GAD1: variants seen among roughly 807,000 people sequenced by gnomAD.
GAD1 encodes glutamate decarboxylase 1.
In GAD1, 35 loss-of-function variants were observed where a neutral mutation model predicts 75.2. The ratio of observed to expected loss-of-function variants is 0.47; its 90% CI spans 0.36 to 0.62. The LOEUF (loss-of-function observed/expected upper bound fraction) is 0.62, where lower values mean the gene tolerates loss of function less well. GAD1 is among the 20% of genes least tolerant of loss of function. The pLI is 0.00. For missense variants in GAD1, 490 were observed against 758.5 expected, an observed-to-expected ratio of 0.65 and a Z score of 4.16; for synonymous variants, 257 against 271.9, an observed-to-expected ratio of 0.95 and a Z score of 0.54.
chr2:170,851,878 A>C (rs1702749302), intron 12 of GAD1, among the ~76,000 whole-genome samples: 2 of 152,040 alleles, frequency 1.3e-5, no homozygotes, highest in African/African-American at 4.8e-5. Flanking sequence ...TGGCAAAATC[A>C]CTCTAATTTA....
In GAD1 at chr2:170,858,858, C is replaced by A. The variant is rs755637844; in HGVS notation, c.1576C>A (p.Pro526Thr). 1.2e-6 allele frequency: 2 copies of A among 1,614,034 alleles called. No individual in the cohort carries two copies. The highest frequency in any genetic ancestry group is 2.7e-5 in the African/African-American group (2 of 74,924). The change falls in exon 16 of 17, where the codon CCA becomes ACA. Residue 526 changes from proline (P) to threonine (T), a missense_variant. By Grantham distance (38) the Pro-to-Thr change is conservative. Coordinates refer to ENST00000358196, the MANE Select transcript of GAD1 (RefSeq NM_000817.3). ...TATTCCACAAAGCCTCAGGGGTGTG[C>A]CAGACAGCCCTCAACGACGGGAAAA... ...WYIPQSLRGV[P>T]DSPQRREKLH...
At chr2:170,845,312 T>C in intron 7 of GAD1, 194 bp from the exon 8 acceptor site, 1 of 650,222 alleles carries the variant, frequency 1.5e-6, no homozygotes, top group Admixed American at 2.2e-5. Context: ...TGGTAATAAG[T>C]GTGACTACTT....
chr2:170,832,539 G>A (rs915662479), intron 5 of GAD1, among the ~76,000 whole-genome samples: 3 of 152,108 alleles, frequency 2.0e-5, no homozygotes, highest in African/African-American at 7.2e-5. Context: ...AGGAACCAGG[G>A]ATTAGGACTT....
intron 3 of GAD1, among the ~76,000 whole-genome samples, chr2:170,825,052 G>A (rs577133487): frequency 6.6e-6 from 1 of 152,018 alleles, no homozygotes; most frequent in African/African-American, 2.4e-5. Context: ...CTTGGGGGTG[G>A]GCAATGGGGA....
chr2:170,814,970 C>T (rs1232028916), upstream of GAD1, among the ~76,000 whole-genome samples: 1 of 152,076 alleles, frequency 6.6e-6, no homozygotes, highest in Non-Finnish European at 1.5e-5. Context: ...GGCGAGCGGG[C>T]GTCTATGCTG....
chr2:170,832,018 C>T (rs919018772), intron 5 of GAD1, among the ~76,000 whole-genome samples: 1 of 152,010 alleles, frequency 6.6e-6, no homozygotes, highest in Non-Finnish European at 1.5e-5. Context: ...CTAAAGAGAG[C>T]AGAATGACCC....
rs1238959934 is a variant in GAD1, at chr2:170,822,149, G to A, written c.145G>A (p.Gly49Ser). The change falls in exon 3 of 17, where the codon GGC becomes AGC. Residue 49 changes from glycine to serine, a missense_variant and splice_region_variant. Around this residue, in one of 3 missense-constraint regions of GAD1, gnomAD observed 165 missense variants for 216.4 expected, o/e 0.76. Transcript: ENST00000358196. ...CTRKLGLKIC[G>S]FLQRTNSLEE... ...CAGAAAACTGGGGCTCAAGATCTGC[G>A]GTAAGTGACAGGACCCACTGGGGCC... The A allele has an allele frequency of 5.0e-6, 8 of 1,612,186 alleles. No individual in the cohort carries two copies. The highest frequency in any genetic ancestry group is 6.8e-6 in the Non-Finnish European group (8 of 1,179,406).
At chr2:170,831,327 AC>A in intron 5 of GAD1, 135 bp downstream of exon 5, 1 of 994,330 alleles carries the variant, frequency 1.0e-6, no homozygotes, top group Non-Finnish European at 1.6e-6. Flanking sequence ...GTACCCAGTG[AC>A]CACAAGAACA....
At chr2:170,815,159 C>T (rs1362605652), upstream of GAD1, among the ~76,000 whole-genome samples, 1 of 152,130 alleles carries the variant, frequency 6.6e-6, no homozygotes, top group Non-Finnish European at 1.5e-5. Context: ...TGGTTGTATG[C>T]CGCCCACTTC....
At position 170,853,296 on chromosome 2, in the gene GAD1, A is replaced by T; in HGVS notation, c.1263+504A>T. 4.9e-6 allele frequency: 1 copy of T among 206,022 alleles called. No individual in the cohort carries two copies. Among genetic ancestry groups the T allele is most frequent in the South Asian group, 9.0e-5 (1 of 11,138 alleles). The allele number at this position is 206,022 out of a possible 1,614,324, so 12.8% of individuals were successfully genotyped here. On this transcript the variant is annotated intron_variant, in intron 13 of 16. Transcript: ENST00000358196. The surrounding 1 kb of genome is among the most constrained non-coding windows in gnomAD (Gnocchi z 4.1). ...TTGAGCCTCATATTCCCTTCTTCAC[A>T]TGCCTAATGTTAGGATCCTGCCCTC...
chr2:170,820,263 C>A (rs930173775), intron 2 of GAD1, among the ~76,000 whole-genome samples: 2 of 152,194 alleles, frequency 1.3e-5, no homozygotes, highest in Non-Finnish European at 2.9e-5. Flanking sequence ...GTCGCCGGCG[C>A]AAATGCCAAG....
intron 3 of GAD1, among the ~76,000 whole-genome samples, chr2:170,827,781 T>A (rs147948080): frequency 8.5e-4 from 129 of 152,296 alleles, no homozygotes; most frequent in African/African-American, 2.9e-3. Flanking sequence ...CAGTCCCCAA[T>A]CCTAGATGCT....
chr2:170,815,104 G>A (rs373146538), upstream of GAD1, among the ~76,000 whole-genome samples: 5 of 152,252 alleles, frequency 3.3e-5, no homozygotes, highest in East Asian at 9.7e-4. Context: ...GTCTCGTTTA[G>A]GGAAGGCTCT....
In GAD1 at chr2:170,861,082, T is replaced by C. The variant is rs1349810371; in HGVS notation, c.*1200T>C. On this transcript the variant is annotated 3_prime_UTR_variant, in exon 17 of 17. Transcript: ENST00000358196. ...GTTTTTGAAGAAGGGAAATTCACACTGTGCGTTTTAGAGTATGCAAGAAGA... is the reference window on the plus strand; with the variant it reads ...GTTTTTGAAGAAGGGAAATTCACACCGTGCGTTTTAGAGTATGCAAGAAGA... The C allele has an allele frequency of 6.6e-6, 1 of 152,662 alleles. No homozygotes were observed. Among genetic ancestry groups the C allele is most frequent in the Admixed American group, 6.5e-5 (1 of 15,292 alleles). The allele number at this position is 152,662 out of a possible 1,614,324, so 9.5% of individuals were successfully genotyped here.
intron 7 of GAD1, among the ~76,000 whole-genome samples, chr2:170,845,038 A>G (rs1459615304): frequency 6.6e-6 from 1 of 152,192 alleles, no homozygotes; most frequent in Non-Finnish European, 1.5e-5. Flanking sequence ...GGCTGAAGAG[A>G]GCACCTAGGC....
intron 5 of GAD1, among the ~76,000 whole-genome samples, chr2:170,832,187 G>T (rs1319760808): frequency 6.6e-6 from 1 of 152,098 alleles, no homozygotes; most frequent in East Asian, 1.9e-4. Context: ...AAATTGGATG[G>T]CTCAAAACAA....
At chr2:170,828,885 C>A in intron 3 of GAD1, 1 of 203,224 alleles carries the variant, frequency 4.9e-6, no homozygotes, top group Non-Finnish European at 1.0e-5. Flanking sequence ...GCTCTCCTCC[C>A]TCTGTGGTCC....
At chr2:170,816,487 T>A (rs759045010), upstream of GAD1, 3 of 150,286 alleles carry the variant, frequency 2.0e-5, no homozygotes, top group Non-Finnish European at 4.4e-5. Flanking sequence ...GCTCGTCTCC[T>A]ACAATATATG....
chr2:170,857,732 G>C (rs1237115519), intron 15 of GAD1, among the ~76,000 whole-genome samples: 2 of 152,216 alleles, frequency 1.3e-5, no homozygotes, highest in Non-Finnish European at 1.5e-5. Context: ...ATAAGGAAGA[G>C]AGCAAGATAA....
Sources: allele counts gnomAD v4.1 joint callset (sites outside exome capture counted in the v4.1 genomes callset), GRCh38; gene constraint gnomAD v4.1.1; regional missense constraint gnomAD v4.1.1; non-coding constraint Gnocchi (gnomAD v3.1); transcripts MANE v1.5; gene names NCBI Gene and HGNC (gene_info 2026-07-23, HGNC 2026-07-21).